PHACTR4: variants seen among roughly 807,000 people sequenced by gnomAD.
The protein encoded by PHACTR4 is phosphatase and actin regulator 4.
In PHACTR4, 51 loss-of-function variants were observed where a neutral mutation model predicts 72.7. The ratio of observed to expected loss-of-function variants is 0.70; its 90% CI spans 0.56 to 0.89. The LOEUF (loss-of-function observed/expected upper bound fraction) is 0.89. Ranked by LOEUF, PHACTR4 falls within the 40% of genes least tolerant of loss-of-function variation. The pLI, the probability that PHACTR4 is intolerant of heterozygous loss-of-function variation, is 0.00. For missense variants in PHACTR4, 731 were observed against 861.8 expected, an observed-to-expected ratio of 0.85 and a Z score of 1.90; for synonymous variants, 255 against 302.5, an observed-to-expected ratio of 0.84 and a Z score of 1.63.
At chr1:28,492,943 G>A in intron 12 of PHACTR4, 72 bp from the exon 13 acceptor site, 1 of 1,379,660 alleles carries the variant, frequency 7.2e-7, no homozygotes, top group Non-Finnish European at 1.0e-6. Context: ...ACACAGTACA[G>A]AAAAATGACA....
intron 2 of PHACTR4, among the ~76,000 whole-genome samples, chr1:28,415,135 A>G (rs891972502): frequency 1.3e-5 from 2 of 151,746 alleles, no homozygotes; most frequent in Non-Finnish European, 2.9e-5. Flanking sequence ...ATGGCGTGCT[A>G]CTGTAGTCCC....
At chr1:28,417,754 A>G (rs907027604) in intron 2 of PHACTR4, among the ~76,000 whole-genome samples, 3 of 152,228 alleles carry the variant, frequency 2.0e-5, no homozygotes, top group Non-Finnish European at 2.9e-5. Flanking sequence ...ATAATGCTAT[A>G]TCAATCAGTA....
At chr1:28,490,192 C>T (rs1355832977) in intron 10 of PHACTR4, among the ~76,000 whole-genome samples, 1 of 152,176 alleles carries the variant, frequency 6.6e-6, no homozygotes, top group African/African-American at 2.4e-5. Context: ...AGTTTGCTGA[C>T]TCTTGCTTTT....
chr1:28,432,619 AGAGC>A (rs1656350336), intron 2 of PHACTR4, among the ~76,000 whole-genome samples: 1 of 152,090 alleles, frequency 6.6e-6, no homozygotes, highest in African/African-American at 2.4e-5. Flanking sequence ...CCTAAGTGAC[AGAGC>A]AAGACTCTGT....
At chr1:28,458,093 TTATGGTGTGTGTGTTTGTGTG>T (rs1368368369) in intron 2 of PHACTR4, among the ~76,000 whole-genome samples, 2 of 148,600 alleles carry the variant, frequency 1.3e-5, no homozygotes, top group African/African-American at 5.0e-5. Context: ...ATCCTTAATA[TTATGGTGTGTGTGTTTGTGTG>T]TGTGTGTGTG....
At chr1:28,453,279 C>A (rs1482970068) in intron 2 of PHACTR4, among the ~76,000 whole-genome samples, 1 of 152,126 alleles carries the variant, frequency 6.6e-6, no homozygotes, top group African/African-American at 2.4e-5. Context: ...GTGAGCAGTT[C>A]TTCATAGCTT....
intron 1 of PHACTR4, among the ~76,000 whole-genome samples, chr1:28,375,925 C>T (rs970627900): frequency 1.3e-5 from 2 of 151,988 alleles, no homozygotes; most frequent in Admixed American, 6.6e-5. Context: ...CAAAATTAGC[C>T]AGGCGTGGTG....
At chr1:28,376,035 C>T (rs1378728896) in intron 1 of PHACTR4, among the ~76,000 whole-genome samples, 1 of 151,914 alleles carries the variant, frequency 6.6e-6, no homozygotes, top group East Asian at 1.9e-4. Context: ...CACCATTGCA[C>T]TCCAGCCTGG....
intron 1 of PHACTR4, among the ~76,000 whole-genome samples, chr1:28,382,149 C>T (rs1652221285): frequency 6.6e-6 from 1 of 152,140 alleles, no homozygotes; most frequent in Non-Finnish European, 1.5e-5. Flanking sequence ...GATATTAGAC[C>T]TTTGTCAGAT....
chr1:28,372,085 G>A (rs868686447), intron 1 of PHACTR4, among the ~76,000 whole-genome samples: 5 of 148,946 alleles, frequency 3.4e-5, no homozygotes, highest in Middle Eastern at 3.6e-3. Flanking sequence ...GTGTTTCACC[G>A]TGTTGGCCAG....
chr1:28,451,538 C>T (rs1311328306), intron 2 of PHACTR4, among the ~76,000 whole-genome samples: 1 of 151,862 alleles, frequency 6.6e-6, no homozygotes, highest in Non-Finnish European at 1.5e-5. Flanking sequence ...TCCTGAGTAA[C>T]TAGGACAACA....
In PHACTR4 at chr1:28,498,723, T is replaced by C. The variant is rs1661500024; in HGVS notation, c.*2174T>C. ...ATCTGTTCTTTATGTAATCTTTCAGTAGATTTTCATCCTTTCATATCCACA... is the reference window on the plus strand; with the variant it reads ...ATCTGTTCTTTATGTAATCTTTCAGCAGATTTTCATCCTTTCATATCCACA... On this transcript the variant is annotated 3_prime_UTR_variant, in exon 14 of 14. Transcript: ENST00000373839. The C allele has an allele frequency of 6.6e-6, 1 of 152,158 alleles. No homozygotes were observed. Among genetic ancestry groups the C allele is most frequent in the Non-Finnish European group, 1.5e-5 (1 of 68,042 alleles). The allele number at this position is 152,158 out of a possible 1,614,324, so 9.4% of individuals were successfully genotyped here.
chr1:28,430,091 C>T (rs966015652), intron 2 of PHACTR4, among the ~76,000 whole-genome samples: 9 of 151,838 alleles, frequency 5.9e-5, no homozygotes, highest in African/African-American at 9.7e-5. Context: ...GGCGTGATCT[C>T]GGCTTACTGC....
intron 2 of PHACTR4, among the ~76,000 whole-genome samples, chr1:28,451,864 C>T (rs186158656): frequency 4.7e-4 from 72 of 151,920 alleles, no homozygotes; most frequent in African/African-American, 1.6e-3. Flanking sequence ...ATCTTAAACT[C>T]CTGGGCTCAA....
At position 28,409,951 on chromosome 1, in the gene PHACTR4, ATTTTTTTTTTTTTTTTTTTT is replaced by A. The variant is rs57186471; in HGVS notation, c.16+2503_16+2522del. Among the ~76,000 whole-genome samples the A allele has an allele frequency of 1.8e-4, 12 of 66,364 alleles. No homozygotes were observed. In the Admixed American group the frequency reaches 2.3e-3, roughly 13 times the overall value. 43.5% of individuals were successfully genotyped at this position (66,364 alleles called of 152,430 possible). On this transcript the variant is annotated intron_variant, in intron 2 of 13. Coordinates refer to ENST00000373839, the MANE Select transcript of PHACTR4 (RefSeq NM_001048183.3). ...GAGGGCAGTCTGTACTTCTTCATAA[ATTTTTTTTTTTTTTTTTTTT>A]TTTTTTTTTTTTTTGAGACAGAGTC...
At chr1:28,441,506 T>C (rs1657027979) in intron 2 of PHACTR4, among the ~76,000 whole-genome samples, 1 of 152,244 alleles carries the variant, frequency 6.6e-6, no homozygotes, top group South Asian at 2.1e-4. Flanking sequence ...TGCAAATTTA[T>C]GAGATGTTAT....
At chr1:28,383,967 C>T (rs1214491644) in intron 1 of PHACTR4, among the ~76,000 whole-genome samples, 4 of 152,186 alleles carry the variant, frequency 2.6e-5, no homozygotes, top group East Asian at 1.9e-4. Flanking sequence ...ATCATATTTA[C>T]GAATTTGCAT....
chr1:28,382,560 C>T (rs995166948), intron 1 of PHACTR4, among the ~76,000 whole-genome samples: 1 of 152,112 alleles, frequency 6.6e-6, no homozygotes, highest in Non-Finnish European at 1.5e-5. Context: ...GCCTCAGCCT[C>T]CCAAAGTGCT....
chr1:28,496,122 T>C (rs947138284), intron 13 of PHACTR4, among the ~76,000 whole-genome samples: 1 of 143,584 alleles, frequency 7.0e-6, no homozygotes, highest in African/African-American at 2.6e-5. Flanking sequence ...AGTGGCGCGA[T>C]CTCGGCTCAC....
Sources: gnomAD v4.1 joint callset for allele counts (sites outside exome capture counted in the v4.1 genomes callset) on GRCh38, gnomAD v4.1.1 for gene constraint, MANE v1.5 for transcripts, NCBI Gene and HGNC (gene_info 2026-07-23, HGNC 2026-07-21) for gene names.